The following DNAH9 variants were observed in gnomAD, a reference collection of about 807,000 sequenced individuals.
DNAH9 encodes dynein axonemal heavy chain 9.
A neutral mutation model predicts 471.6 loss-of-function variants in DNAH9; 345 were observed. The ratio of observed to expected loss-of-function variants is 0.73; its 90% CI spans 0.67 to 0.80. The LOEUF is 0.80. DNAH9 is among the 30% of genes least tolerant of loss of function. The pLI, the probability that DNAH9 is intolerant of heterozygous loss-of-function variation, is 0.00. For missense variants in DNAH9, 5,407 were observed against 5,609.2 expected (o/e 0.96, Z 1.15); for synonymous variants, 2,093 against 2,123.6 (o/e 0.99, Z 0.40).
intron 32 of DNAH9, 137 bp from the exon 33 acceptor site, chr17:11,752,695 TA>T: frequency 2.0e-6 from 1 of 502,094 alleles, no homozygotes; most frequent in South Asian, 5.3e-5. Context: ...AAAATAAAAA[TA>T]AAACCAGGTC....
At position 11,834,876 on chromosome 17, in the gene DNAH9, C is replaced by G. The variant is rs759503466; in HGVS notation, c.9485C>G (p.Ala3162Gly). 2 of 1,613,238 alleles carry G rather than the reference C, an allele frequency of 1.2e-6. No individual in the cohort carries two copies. The highest frequency in any genetic ancestry group is 1.7e-6 in the Non-Finnish European group (2 of 1,179,798). The change falls in exon 49 of 69, where the codon GCA (alanine) becomes GGA (glycine). Residue 3162 changes from alanine (A) to glycine (G), a missense_variant. Physicochemically the swap from Ala to Gly is moderately conservative, Grantham distance 60. Coordinates refer to ENST00000262442, the MANE Select transcript of DNAH9 (RefSeq NM_001372.4). ...KAEPALTAAQ[A>G]ALNTLNKTNL... ...GAGCCAGCACTCACAGCAGCGCAGG[C>G]AGCTCTCAACACCCTGAACAAGGTA...
chr17:11,627,006 A>G (rs2072981462), intron 6 of DNAH9, among the ~76,000 whole-genome samples: 1 of 152,164 alleles, frequency 6.6e-6, no homozygotes, highest in Non-Finnish European at 1.5e-5. Flanking sequence ...AGTATAATAT[A>G]ATGCCAAATA....
At chr17:11,859,608 C>G (rs562486873) in intron 50 of DNAH9, among the ~76,000 whole-genome samples, 56 of 152,084 alleles carry the variant, frequency 3.7e-4, no homozygotes, top group Non-Finnish European at 6.5e-4. Context: ...TTAATCGGCT[C>G]ACAGTTCTGC....
At chr17:11,845,049 C>T (rs925113886) in intron 49 of DNAH9, among the ~76,000 whole-genome samples, 1 of 150,872 alleles carries the variant, frequency 6.6e-6, no homozygotes, top group Non-Finnish European at 1.5e-5. Flanking sequence ...TACATGTGCA[C>T]AATGTGCAGG....
Position 11,869,237 on chromosome 17 carries a change from C to G in DNAH9, c.10037C>G (p.Ser3346Cys), listed in dbSNP as rs780130216. The G allele has an allele frequency of 2.5e-6, 4 of 1,613,516 alleles. No homozygotes were observed. In the African/African-American group the frequency reaches 5.3e-5, roughly 22 times the overall value. ...QEAEVTAVTI[S>C]LANRLVGGLA... is the part of the protein sequence containing the mutation. The stretch of plus-strand genomic sequence containing the variant: ...GCCGAAGTGACCGCAGTCACCATCT[C>G]CCTTGCCAACCGCCTGGTGAGTGTA... Residue 3346 changes from serine (S) to cysteine (C), a missense_variant, in exon 51 of 69, where the codon TCC (serine) becomes TGC (cysteine). Ser to Cys is a moderately radical substitution (Grantham distance 112). Coordinates refer to ENST00000262442, the MANE Select transcript of DNAH9 (RefSeq NM_001372.4).
At chr17:11,733,095 C>T (rs1479808940) in intron 28 of DNAH9, among the ~76,000 whole-genome samples, 5 of 152,184 alleles carry the variant, frequency 3.3e-5, no homozygotes, top group African/African-American at 4.8e-5. Flanking sequence ...TTGCATTTCC[C>T]GAAGGCAACA....
intron 9 of DNAH9, among the ~76,000 whole-genome samples, chr17:11,639,960 G>A (rs1254408369): frequency 1.3e-5 from 2 of 152,140 alleles, no homozygotes; most frequent in Non-Finnish European, 2.9e-5. Flanking sequence ...CCACGATTGC[G>A]CCACTGCACT....
intron 49 of DNAH9, among the ~76,000 whole-genome samples, chr17:11,850,420 A>G (rs1005003245): frequency 6.6e-6 from 1 of 152,180 alleles, no homozygotes; most frequent in Admixed American, 6.5e-5. Flanking sequence ...AGGCCGAGGC[A>G]GGTGGATCAT....
At chr17:11,788,868 C>T (rs1426038840) in intron 41 of DNAH9, among the ~76,000 whole-genome samples, 1 of 152,076 alleles carries the variant, frequency 6.6e-6, no homozygotes, top group African/African-American at 2.4e-5. Context: ...ATATTCTCTA[C>T]TGGTTTTTCT....
chr17:11,641,082 AAC>A (rs1220299681), intron 10 of DNAH9, among the ~76,000 whole-genome samples: 1 of 152,120 alleles, frequency 6.6e-6, no homozygotes, highest in Non-Finnish European at 1.5e-5. Flanking sequence ...GGTTTTGGAA[AAC>A]ACAACAGAAG....
At chr17:11,600,715 C>T (rs1384318112) in intron 1 of DNAH9, among the ~76,000 whole-genome samples, 1 of 152,150 alleles carries the variant, frequency 6.6e-6, no homozygotes, top group African/African-American at 2.4e-5. Context: ...CTCCTAGACT[C>T]AAGTGATCCT....
At position 11,639,709 on chromosome 17, in the gene DNAH9, T is replaced by TA. The variant is rs201849097; in HGVS notation, c.1787-554dup. The stretch of plus-strand genomic sequence containing the variant: ...AATTAGAGTCATCTTGAGAGCGTTT[T>TA]AAAAAAACACTCAATTGTGGCCAGG... On this transcript the variant is annotated intron_variant, in intron 9 of 68. Transcript: ENST00000262442. 4.0e-3 allele frequency among the ~76,000 whole-genome samples: 610 copies of TA among 152,246 alleles called. 2 individuals carry two copies. Among genetic ancestry groups the TA allele is most frequent in the African/African-American group, 9.7e-3 (401 of 41,552 alleles).
At chr17:11,627,297 C>A (rs78324356) in intron 6 of DNAH9, among the ~76,000 whole-genome samples, 3,161 of 152,310 alleles carry the variant, frequency 0.021, 80 homozygotes, top group East Asian at 0.077. Flanking sequence ...AAACACCTTC[C>A]TGTCACCTCC....
chr17:11,819,516 C>T (rs931191269), intron 45 of DNAH9, among the ~76,000 whole-genome samples: 1 of 152,028 alleles, frequency 6.6e-6, no homozygotes, highest in Non-Finnish European at 1.5e-5. Context: ...CTCCTGGGTT[C>T]AAGCGATTCT....
At chr17:11,753,618 A>G (rs562337257) in intron 33 of DNAH9, among the ~76,000 whole-genome samples, 1 of 152,204 alleles carries the variant, frequency 6.6e-6, no homozygotes, top group African/African-American at 2.4e-5. Flanking sequence ...GTGAGCCGAG[A>G]TCGCGCCATT....
At chr17:11,879,858 CT>C (rs1458712369) in intron 53 of DNAH9, among the ~76,000 whole-genome samples, 11 of 152,250 alleles carry the variant, frequency 7.2e-5, no homozygotes, top group East Asian at 1.9e-4. Context: ...TTTTCATTAT[CT>C]TTTTTGTATT....
At chr17:11,600,448 T>C (rs867861216) in intron 1 of DNAH9, among the ~76,000 whole-genome samples, 9 of 152,214 alleles carry the variant, frequency 5.9e-5, no homozygotes, top group Middle Eastern at 3.4e-3. Context: ...CATCTCAGAG[T>C]TGTGTCATGG....
intron 22 of DNAH9, among the ~76,000 whole-genome samples, chr17:11,696,309 A>G (rs2074475696): frequency 6.6e-6 from 1 of 152,008 alleles, no homozygotes; most frequent in Non-Finnish European, 1.5e-5. Flanking sequence ...AGTCAAAGAT[A>G]TCTCCCTCAT....
chr17:11,890,273 C>T (rs1973007867), intron 57 of DNAH9, among the ~76,000 whole-genome samples: 1 of 152,132 alleles, frequency 6.6e-6, no homozygotes, highest in Non-Finnish European at 1.5e-5. Context: ...GGGACATTAT[C>T]AGCCTCTAAT....
Sources: gnomAD v4.1 joint callset for allele counts (sites outside exome capture counted in the v4.1 genomes callset) on GRCh38, gnomAD v4.1.1 for gene constraint, MANE v1.5 for transcripts, NCBI Gene and HGNC (gene_info 2026-07-23, HGNC 2026-07-21) for gene names.